SPAG16: variants seen among roughly 807,000 people sequenced by gnomAD.
The protein encoded by SPAG16 is sperm associated antigen 16.
Under a neutral mutation model 80.4 loss-of-function variants are expected in SPAG16, and 86 were observed. The ratio of observed to expected loss-of-function variants is 1.07; its 90% CI spans 0.90 to 1.28. The LOEUF is 1.28. Ranked by LOEUF, SPAG16 falls within the 50% of genes most tolerant of loss-of-function variation. The probability of loss-of-function intolerance (pLI) is 0.00; values close to 1 mark genes in which losing one functional copy is unlikely to be tolerated. For missense variants in SPAG16, 870 were observed against 765.3 expected, an observed-to-expected ratio of 1.14 and a Z score of -1.61; for synonymous variants, 294 against 265.9, an observed-to-expected ratio of 1.11 and a Z score of -1.03.
intron 15 of SPAG16, among the ~76,000 whole-genome samples, chr2:214,227,579 G>A (rs949236267): frequency 6.6e-6 from 1 of 151,742 alleles, no homozygotes; most frequent in Non-Finnish European, 1.5e-5. Flanking sequence ...TGTAACTGCT[G>A]TAGCTGTTCT....
At chr2:213,573,054 C>T (rs2059978900) in intron 10 of SPAG16, among the ~76,000 whole-genome samples, 1 of 152,212 alleles carries the variant, frequency 6.6e-6, no homozygotes, top group African/African-American at 2.4e-5. Context: ...TCCCTGACCC[C>T]TCGCGCTTCC....
chr2:214,377,731 G>A (rs34970936), intron 15 of SPAG16, among the ~76,000 whole-genome samples: 2 of 151,922 alleles, frequency 1.3e-5, no homozygotes, highest in Admixed American at 1.3e-4. Flanking sequence ...GTATTGAAGG[G>A]TCAACCATAC....
At position 213,864,637 on chromosome 2, in the gene SPAG16, A is replaced by G. The variant is rs917481615; in HGVS notation, c.1214+2009A>G. ...TTCCTTTGCTTTTAACATTTCCTTT[A>G]TTTTTAATTTCAGTTGCTTCTAGTT... On this transcript the variant is annotated intron_variant, in intron 11 of 15. Transcript: ENST00000331683. Among the ~76,000 whole-genome samples the G allele has an allele frequency of 1.8e-4, 28 of 151,758 alleles. 2 individuals carry two copies. Among genetic ancestry groups the G allele is most frequent in the Admixed American group, 1.8e-3 (27 of 15,222 alleles).
chr2:213,709,522 T>C (rs1473186619), intron 10 of SPAG16, among the ~76,000 whole-genome samples: 6 of 152,170 alleles, frequency 3.9e-5, no homozygotes, highest in African/African-American at 1.2e-4. Context: ...AGAGCTTTAA[T>C]TGATTAAACA....
chr2:213,322,358 A>T (rs1159184898), intron 5 of SPAG16, among the ~76,000 whole-genome samples: 1 of 2,864 alleles, frequency 3.5e-4, no homozygotes, highest in Non-Finnish European at 1.2e-3. Flanking sequence ...AAAAAAAAAC[A>T]AAAAACTCGT....
intron 12 of SPAG16, among the ~76,000 whole-genome samples, chr2:213,950,231 C>A (rs543279582): frequency 5.9e-5 from 9 of 152,232 alleles, no homozygotes; most frequent in African/African-American, 2.2e-4. Context: ...GATTCCAGTT[C>A]CTGTGGCCCG....
chr2:213,925,462 C>T (rs542456963), intron 11 of SPAG16, among the ~76,000 whole-genome samples: 51 of 152,112 alleles, frequency 3.4e-4, no homozygotes, highest in Middle Eastern at 3.4e-3. Flanking sequence ...GGCAATTCTC[C>T]TGCCTCAGCC....
intron 10 of SPAG16, among the ~76,000 whole-genome samples, chr2:213,684,821 A>G (rs2064579616): frequency 6.6e-6 from 1 of 152,228 alleles, no homozygotes; most frequent in African/African-American, 2.4e-5. Context: ...GATAAATGGT[A>G]AGCAAAACAG....
chr2:213,869,971 C>T (rs2075884570), intron 11 of SPAG16, among the ~76,000 whole-genome samples: 1 of 152,130 alleles, frequency 6.6e-6, no homozygotes, highest in Non-Finnish European at 1.5e-5. Flanking sequence ...TTTTAAACAG[C>T]AACTACCATA....
intron 10 of SPAG16, among the ~76,000 whole-genome samples, chr2:213,800,641 A>G (rs149399277): frequency 2.6e-5 from 4 of 152,232 alleles, no homozygotes; most frequent in African/African-American, 9.6e-5. Flanking sequence ...ACAGTAGTGT[A>G]TTCTTTAAAA....
intron 9 of SPAG16, among the ~76,000 whole-genome samples, chr2:213,486,431 G>A (rs1341271555): frequency 6.6e-6 from 1 of 151,996 alleles, no homozygotes; most frequent in African/African-American, 2.4e-5. Context: ...ATCAACCTAA[G>A]TGCCCATGAA....
chr2:214,171,042 C>A (rs781101923), intron 15 of SPAG16, among the ~76,000 whole-genome samples: 3 of 151,938 alleles, frequency 2.0e-5, no homozygotes, highest in Non-Finnish European at 4.4e-5. Flanking sequence ...GGTGTCTAGG[C>A]TCAGAAAATT....
chr2:213,356,196 G>T (rs557497463), intron 7 of SPAG16, among the ~76,000 whole-genome samples: 2 of 152,246 alleles, frequency 1.3e-5, no homozygotes, highest in Non-Finnish European at 2.9e-5. Context: ...AGGGATATTG[G>T]TCTAAAATTC....
At chr2:213,639,203 G>A (rs1408964100) in intron 10 of SPAG16, among the ~76,000 whole-genome samples, 1 of 152,174 alleles carries the variant, frequency 6.6e-6, no homozygotes, top group Admixed American at 6.5e-5. Context: ...CTGCCATTCT[G>A]TAGCTTTTAA....
intron 15 of SPAG16, among the ~76,000 whole-genome samples, chr2:214,345,671 A>G (rs1559229982): frequency 6.6e-6 from 1 of 152,234 alleles, no homozygotes; most frequent in East Asian, 1.9e-4. Context: ...GCACCTCAAA[A>G]GCCACCCACA....
chr2:213,573,200 C>T (rs796515702), intron 10 of SPAG16, among the ~76,000 whole-genome samples: 64 of 152,064 alleles, frequency 4.2e-4, no homozygotes, highest in African/African-American at 1.5e-3. Flanking sequence ...CCGTCTTCTG[C>T]GTCGGTCACG....
intron 11 of SPAG16, among the ~76,000 whole-genome samples, chr2:213,887,380 A>C (rs866518998): frequency 1.3e-5 from 2 of 151,914 alleles, no homozygotes; most frequent in Non-Finnish European, 2.9e-5. Flanking sequence ...ACATTTTTGT[A>C]GACTACTGGT....
At chr2:213,702,922 C>T (rs1246119581) in intron 10 of SPAG16, among the ~76,000 whole-genome samples, 5 of 152,094 alleles carry the variant, frequency 3.3e-5, no homozygotes, top group South Asian at 2.1e-4. Context: ...TGGGTTTTGC[C>T]GTGACTGTGT....
chr2:213,985,475 G>A (rs185424539), intron 12 of SPAG16, among the ~76,000 whole-genome samples: 1 of 152,044 alleles, frequency 6.6e-6, no homozygotes, highest in Non-Finnish European at 1.5e-5. Flanking sequence ...TATTTGCAAA[G>A]ATAAATCTAA....
Sources: gnomAD v4.1 joint callset for allele counts (sites outside exome capture counted in the v4.1 genomes callset) on GRCh38, gnomAD v4.1.1 for gene constraint, MANE v1.5 for transcripts, NCBI Gene and HGNC (gene_info 2026-07-23, HGNC 2026-07-21) for gene names.